LMX1B: variants seen among roughly 807,000 people sequenced by gnomAD.
LMX1B encodes LIM homeobox transcription factor 1 beta.
In LMX1B, 12 loss-of-function variants were observed where a neutral mutation model predicts 51.4. The ratio of observed to expected loss-of-function variants is 0.23; its 90% CI spans 0.15 to 0.38. The LOEUF (loss-of-function observed/expected upper bound fraction) is 0.38, where lower values mean the gene tolerates loss of function less well. Ranked by LOEUF, LMX1B falls within the 10% of genes least tolerant of loss-of-function variation. The pLI is 1.00. For missense variants in LMX1B, 445 were observed against 571.1 expected (o/e 0.78, Z 2.25); for synonymous variants, 237 against 235.4 (o/e 1.01, Z -0.06).
intron 3 of LMX1B, among the ~76,000 whole-genome samples, chr9:126,692,314 T>C (rs2030159809): frequency 6.6e-6 from 1 of 152,086 alleles, no homozygotes; most frequent in South Asian, 2.1e-4. Flanking sequence ...AAGAACAGGA[T>C]TGAAGAAAGG....
rs956667932 is a variant in LMX1B at position 126,677,743 on chromosome 9, A to T, written c.327-13093A>T. Among the ~76,000 whole-genome samples, 2 of 152,170 alleles carry T rather than the reference A, an allele frequency of 1.3e-5. No individual in the cohort carries two copies. Among genetic ancestry groups the T allele is most frequent in the African/African-American group, 4.8e-5 (2 of 41,436 alleles). On this transcript the variant is annotated intron_variant, in intron 2 of 7. Transcript: ENST00000373474. The surrounding 1 kb of genome is among the most constrained non-coding windows in gnomAD (Gnocchi z 5.0). ...GTAGGAGCGTCTGCCAGCTTCATTC[A>T]CAGCCTGCGTTCAAACATTCGAGCA...
Position 126,690,839 on chromosome 9 carries a change from C to T in LMX1B, c.330C>T (p.Leu110=). The change falls in exon 3 of 8, where the codon CTC becomes CTT. Residue 110 remains leucine, a synonymous_variant. Coordinates refer to ENST00000373474, the MANE Select transcript of LMX1B (RefSeq NM_001174147.2). ...KLYCKQDYQQ[L]FAAKCSGCME... ...CGCCCGCTTTGTGCATCCGCAGGCT[C>T]TTCGCGGCCAAGTGCAGCGGCTGCA... is the stretch of plus-strand genomic sequence containing the variant. 6.2e-7 allele frequency: 1 copy of T among 1,608,826 alleles called. No homozygotes were observed.
At chr9:126,633,065 GC>G (rs920128733) in intron 2 of LMX1B, among the ~76,000 whole-genome samples, 6 of 152,256 alleles carry the variant, frequency 3.9e-5, no homozygotes, top group Admixed American at 1.3e-4. Flanking sequence ...GCGTCCCCTG[GC>G]CTCCATCATC....
chr9:126,634,206 G>T (rs746413617), intron 2 of LMX1B, among the ~76,000 whole-genome samples: 1 of 152,218 alleles, frequency 6.6e-6, no homozygotes, highest in Non-Finnish European at 1.5e-5. Flanking sequence ...ACCCAGAGGA[G>T]AAGCACTGAC....
chr9:126,634,610 C>CA (rs1554723537), intron 2 of LMX1B, among the ~76,000 whole-genome samples: 13 of 152,050 alleles, frequency 8.5e-5, no homozygotes, highest in Non-Finnish European at 2.9e-5. Context: ...ACACCCCCCC[C>CA]ACAATGCCAC....
chr9:126,680,304 A>G (rs1227857902), intron 2 of LMX1B, among the ~76,000 whole-genome samples: 1 of 152,192 alleles, frequency 6.6e-6, no homozygotes, highest in Non-Finnish European at 1.5e-5. Context: ...GACTGGGAGG[A>G]TGAGCAGGAG....
At chr9:126,637,492 G>C (rs764890130) in intron 2 of LMX1B, among the ~76,000 whole-genome samples, 5 of 151,624 alleles carry the variant, frequency 3.3e-5, no homozygotes, top group Non-Finnish European at 7.4e-5. Context: ...GGGGTTGTGG[G>C]TGATTCTGTG....
At chr9:126,627,490 C>G (rs1835557050) in intron 2 of LMX1B, among the ~76,000 whole-genome samples, 1 of 152,022 alleles carries the variant, frequency 6.6e-6, no homozygotes, top group Admixed American at 6.6e-5. Flanking sequence ...ATGCCTTGGC[C>G]CAGAGCCTTG....
At chr9:126,629,718 G>A (rs1461164496) in intron 2 of LMX1B, among the ~76,000 whole-genome samples, 3 of 152,020 alleles carry the variant, frequency 2.0e-5, no homozygotes, top group Non-Finnish European at 4.4e-5. Flanking sequence ...CTGCTCTGGG[G>A]GCAGGTTTTA....
chr9:126,675,594 A>G (rs1318213458), intron 2 of LMX1B, among the ~76,000 whole-genome samples: 3 of 151,338 alleles, frequency 2.0e-5, no homozygotes, highest in Admixed American at 6.6e-5. Context: ...GCGTAGTGGC[A>G]CACGCCTGTA....
chr9:126,662,556 T>C (rs1043485509), intron 2 of LMX1B, among the ~76,000 whole-genome samples: 2 of 152,148 alleles, frequency 1.3e-5, no homozygotes, highest in South Asian at 4.1e-4. Context: ...ACCAGTTCCC[T>C]GGTCTAGCCA....
intron 6 of LMX1B, among the ~76,000 whole-genome samples, chr9:126,694,217 C>T (rs1171383015): frequency 1.3e-5 from 2 of 152,156 alleles, no homozygotes; most frequent in East Asian, 3.9e-4. Flanking sequence ...CAGCACACCC[C>T]ATCTCACCCT....
Position 126,696,629 on chromosome 9 carries a change from A to G in LMX1B, c.*178A>G, listed in dbSNP as rs2030348989. On this transcript the variant is annotated 3_prime_UTR_variant, in exon 8 of 8. Transcript: ENST00000373474. The stretch of plus-strand genomic sequence containing the variant: ...CCGTTGGGTACAGCCAGACCGGTAG[A>G]TGGGCACAGCCTGGGCAGGGGCTGT... 2 of 654,176 alleles carry G rather than the reference A, an allele frequency of 3.1e-6. No individual in the cohort carries two copies. Among genetic ancestry groups the G allele is most frequent in the Admixed American group, 2.7e-5 (1 of 37,702 alleles). 40.5% of individuals were successfully genotyped at this position (654,176 alleles called of 1,614,324 possible). A position where few individuals can be genotyped will look rare whatever the true frequency, so the allele number is the denominator to read the frequency against.
At chr9:126,689,446 C>T (rs1296943606) in intron 2 of LMX1B, among the ~76,000 whole-genome samples, 1 of 152,228 alleles carries the variant, frequency 6.6e-6, no homozygotes, top group South Asian at 2.1e-4. Flanking sequence ...CACAGCGCTC[C>T]CAAGGTGGCG....
chr9:126,617,721 A>G (rs1335512154), intron 2 of LMX1B, among the ~76,000 whole-genome samples: 1 of 152,170 alleles, frequency 6.6e-6, no homozygotes, highest in East Asian at 1.9e-4. Context: ...TGTGTTGAGA[A>G]TGATTTTTGG....
chr9:126,652,299 G>C (rs534550900), intron 2 of LMX1B, among the ~76,000 whole-genome samples: 13 of 150,718 alleles, frequency 8.6e-5, no homozygotes, highest in South Asian at 6.5e-4. Context: ...GAGGAGAAGG[G>C]GGGGGGGATT....
rs1207365315 is a variant in LMX1B, at chr9:126,614,527, C to A, written c.78C>A (p.Asp26Glu). The A allele has an allele frequency of 1.2e-6, 2 of 1,606,494 alleles. No homozygotes were observed. Among genetic ancestry groups the A allele is most frequent in the Non-Finnish European group, 1.7e-6 (2 of 1,177,360 alleles). The change falls in exon 1 of 8, where the codon GAC (aspartate) becomes GAA (glutamate). Residue 26 changes from aspartate to glutamate, a missense_variant. Physicochemically the swap from Asp to Glu is conservative, Grantham distance 45 (BLOSUM62 2). This residue lies in a region of LMX1B where 273 missense variants were observed against 343.3 expected (regional missense o/e 0.80). Transcript: ENST00000373474. ...RGQTDCAKML[D>E]GIKMEEHALR... Reference sequence around the variant, plus strand: ...AGACGGACTGCGCCAAGATGTTGGACGGCATCAAGATGGAGGAGCACGCCC... The same window carrying A: ...AGACGGACTGCGCCAAGATGTTGGAAGGCATCAAGATGGAGGAGCACGCCC...
chr9:126,687,269 C>T (rs1253026716), intron 2 of LMX1B, among the ~76,000 whole-genome samples: 8 of 151,832 alleles, frequency 5.3e-5, no homozygotes, highest in African/African-American at 1.9e-4. Flanking sequence ...CTCTCTGTCG[C>T]CCAGGCTGGA....
intron 2 of LMX1B, among the ~76,000 whole-genome samples, chr9:126,675,638 T>C (rs978084015): frequency 6.6e-6 from 1 of 150,958 alleles, no homozygotes; most frequent in South Asian, 2.1e-4. Context: ...GGCAGGAGAA[T>C]TGCTTGAACC....
Sources: allele counts gnomAD v4.1 joint callset (sites outside exome capture counted in the v4.1 genomes callset), GRCh38; gene constraint gnomAD v4.1.1; regional missense constraint gnomAD v4.1.1; non-coding constraint Gnocchi (gnomAD v3.1); transcripts MANE v1.5; gene names NCBI Gene and HGNC (gene_info 2026-07-23, HGNC 2026-07-21).